NTRK2: variants seen among roughly 807,000 people sequenced by gnomAD.
NTRK2 encodes the protein BDNF/NT-3 growth factors receptor.
NTRK2 carries 13 observed loss-of-function variants against 94.5 expected under a neutral mutation model. The ratio of observed to expected loss-of-function variants is 0.14; its 90% CI spans 0.09 to 0.22. The LOEUF (loss-of-function observed/expected upper bound fraction) is 0.22, where lower values mean the gene tolerates loss of function less well. Ranked by LOEUF, NTRK2 falls within the 10% of genes least tolerant of loss-of-function variation. The pLI is 1.00. For synonymous variants in NTRK2, 372 were observed against 407.4 expected, an observed-to-expected ratio of 0.91 and a Z score of 1.05; for missense variants, 639 against 1,071.2, an observed-to-expected ratio of 0.60 and a Z score of 5.63.
chr9:84,690,328 C>T (rs1193339479), intron 2 of NTRK2, among the ~76,000 whole-genome samples: 1 of 152,096 alleles, frequency 6.6e-6, no homozygotes, highest in African/African-American at 2.4e-5. Context: ...GTATTAGTTC[C>T]AAAAATTTTC....
At chr9:84,875,181 T>C (rs1391588577) in intron 14 of NTRK2, 3 of 1,058,476 alleles carry the variant, frequency 2.8e-6, no homozygotes, top group East Asian at 5.2e-5. Flanking sequence ...TTGTTTGTAC[T>C]GGACTCTGTT....
chr9:84,809,648 G>A lies in NTRK2; in HGVS notation c.1397-51392G>A, dbSNP rs141629654. On this transcript the variant is annotated intron_variant, in intron 12 of 18. Transcript: ENST00000277120. ...TGTAATCCCAGCACTTTGGGAGGCC[G>A]AGGTGGGTAGATTGCTTGAGGTCAG... Among the ~76,000 whole-genome samples, 884 of 151,536 alleles carry A rather than the reference G, an allele frequency of 5.8e-3. 8 individuals carry two copies. Among genetic ancestry groups the A allele is most frequent in the African/African-American group, 0.02 (834 of 41,438 alleles).
At chr9:84,970,161 C>G (rs1185526390) in intron 17 of NTRK2, among the ~76,000 whole-genome samples, 1 of 151,992 alleles carries the variant, frequency 6.6e-6, no homozygotes, top group East Asian at 1.9e-4. Context: ...ATTTGGAAGG[C>G]CAAGGTGGGT....
chr9:84,949,445 G>GATTTATTTATTTATTT (rs71959281), intron 16 of NTRK2, among the ~76,000 whole-genome samples: 1 of 147,788 alleles, frequency 6.8e-6, no homozygotes, highest in African/African-American at 2.5e-5. Flanking sequence ...GATTGGTTGG[G>GATTTATTTATTTATTT]ATTTATTTAT....
At chr9:84,768,806 T>A (rs573772445) in intron 12 of NTRK2, among the ~76,000 whole-genome samples, 1 of 152,022 alleles carries the variant, frequency 6.6e-6, no homozygotes, top group South Asian at 2.1e-4. Context: ...GCAGGGTGGG[T>A]GGCAGTGGAT....
chr9:84,766,152 T>C (rs1292803856), intron 12 of NTRK2, among the ~76,000 whole-genome samples: 1 of 152,066 alleles, frequency 6.6e-6, no homozygotes, highest in Non-Finnish European at 1.5e-5. Flanking sequence ...GGCTTTGCTG[T>C]GTTTAAATAG....
At chr9:84,847,808 T>TGAG (rs1241040838) in intron 12 of NTRK2, among the ~76,000 whole-genome samples, 9 of 151,890 alleles carry the variant, frequency 5.9e-5, no homozygotes, top group African/African-American at 1.7e-4. Context: ...CATTACCAGT[T>TGAG]GAGGAGGAGG....
chr9:84,955,298 T>C lies in NTRK2; in HGVS notation c.1953T>C (p.Asp651=). The change falls in exon 17 of 19, where the codon GAT becomes GAC. Residue 651 remains aspartate (D), a synonymous_variant. Coordinates refer to ENST00000277120, the MANE Select transcript of NTRK2 (RefSeq NM_006180.6). ...CCTTCCCCAGGGCACACGGCCCTGA[T>C]GCCGTGCTGATGGCTGAGGGCAACC... ...LNKFLRAHGP[D]AVLMAEGNPP... The C allele has an allele frequency of 1.2e-6, 2 of 1,604,848 alleles. No homozygotes were observed. The highest frequency in any genetic ancestry group is 1.7e-6 in the Non-Finnish European group (2 of 1,175,484).
At chr9:84,810,916 CT>C in intron 12 of NTRK2, 1 of 1,189,050 alleles carries the variant, frequency 8.4e-7, no homozygotes, top group Non-Finnish European at 1.0e-6. Context: ...GAAAAGTGTG[CT>C]TTTTGACCCT....
intron 9 of NTRK2, among the ~76,000 whole-genome samples, chr9:84,735,503 A>T (rs774496717): frequency 2.0e-5 from 3 of 152,222 alleles, no homozygotes; most frequent in Non-Finnish European, 4.4e-5. Flanking sequence ...ATCCATCAAG[A>T]TGACCTCACT....
At chr9:84,696,230 A>C (rs950437979) in intron 2 of NTRK2, among the ~76,000 whole-genome samples, 1 of 152,072 alleles carries the variant, frequency 6.6e-6, no homozygotes, top group African/African-American at 2.4e-5. Context: ...CTGGTCTCGA[A>C]CTCCTGGACT....
At chr9:84,785,936 A>G (rs967141759) in intron 12 of NTRK2, among the ~76,000 whole-genome samples, 2 of 152,194 alleles carry the variant, frequency 1.3e-5, no homozygotes, top group African/African-American at 2.4e-5. Context: ...CACAAGCGCC[A>G]TGCTATCAGA....
At chr9:84,801,750 T>A (rs946041033) in intron 12 of NTRK2, among the ~76,000 whole-genome samples, 19 of 152,216 alleles carry the variant, frequency 1.2e-4, no homozygotes, top group Non-Finnish European at 2.6e-4. Flanking sequence ...TAGGACATAA[T>A]CCCATCATCA....
chr9:84,679,287 T>C (rs1433878901), intron 2 of NTRK2, among the ~76,000 whole-genome samples: 2 of 152,210 alleles, frequency 1.3e-5, no homozygotes, highest in Non-Finnish European at 2.9e-5. Flanking sequence ...GTGGTGTTTC[T>C]TATCCCCTTC....
chr9:84,726,535 C>T lies in NTRK2; in HGVS notation c.854-1119C>T, dbSNP rs143127996. Among the ~76,000 whole-genome samples the T allele has an allele frequency of 5.8e-3, 876 of 152,212 alleles. 6 individuals are homozygous for T. Among genetic ancestry groups the T allele is most frequent in the South Asian group, 0.014 (66 of 4,824 alleles). ...ATATTAACAACCAAGATAACCAGTG[C>T]AGAGACCCCACTCAGAGGGTTTGTC... On this transcript the variant is annotated intron_variant, in intron 8 of 18. Transcript: ENST00000277120.
intron 9 of NTRK2, among the ~76,000 whole-genome samples, chr9:84,733,674 G>A (rs1365671859): frequency 6.6e-6 from 1 of 152,168 alleles, no homozygotes; most frequent in Non-Finnish European, 1.5e-5. Context: ...CCTCTTTGAG[G>A]TTGCCTTTAT....
chr9:84,840,723 C>A (rs1273186805), intron 12 of NTRK2, among the ~76,000 whole-genome samples: 1 of 152,168 alleles, frequency 6.6e-6, no homozygotes, highest in Non-Finnish European at 1.5e-5. Context: ...TCCTTTGCCT[C>A]CAACAACCTT....
rs563195057 is a variant in NTRK2, at chr9:84,695,815, T to A, written c.213-6344T>A. Among the ~76,000 whole-genome samples, 25 of 152,348 alleles carry A rather than the reference T, an allele frequency of 1.6e-4. No homozygotes were observed. In the South Asian group the frequency reaches 5.0e-3, roughly 30 times the overall value. On this transcript the variant is annotated intron_variant, in intron 2 of 18. Coordinates refer to ENST00000277120, the MANE Select transcript of NTRK2 (RefSeq NM_006180.6). ...TTCCACTGTGCCCTCACAGGGCAAG[T>A]GCATGTACTTCTTCTTAAAACCTTT...
chr9:84,875,621 T>C (rs2076034060), intron 14 of NTRK2: 1 of 1,060,730 alleles, frequency 9.4e-7, no homozygotes. Context: ...TTTCCTGATG[T>C]TTAGGGATGC....
Sources: allele counts gnomAD v4.1 joint callset (sites outside exome capture counted in the v4.1 genomes callset), GRCh38; gene constraint gnomAD v4.1.1; transcripts MANE v1.5; gene names NCBI Gene and HGNC (gene_info 2026-07-23, HGNC 2026-07-21).